The following MCF2L2 variants were observed in gnomAD, a reference collection of about 807,000 sequenced individuals.
MCF2L2 encodes the protein MCF.2 cell line derived transforming sequence-like 2, also known as probable guanine nucleotide exchange factor MCF2L2.
Under a neutral mutation model 150.2 loss-of-function variants are expected in MCF2L2, and 102 were observed. The observed-to-expected ratio is 0.68, with a 90% CI of 0.58 to 0.80. The LOEUF (loss-of-function observed/expected upper bound fraction) is 0.80, where lower values mean the gene tolerates loss of function less well. Among genes scored for constraint, MCF2L2 ranks in the 30% least tolerant of loss-of-function variants. The probability of loss-of-function intolerance (pLI) is 0.00; values close to 1 mark genes in which losing one functional copy is unlikely to be tolerated. For missense variants in MCF2L2, 1,256 were observed against 1,372.8 expected, an observed-to-expected ratio of 0.91 and a Z score of 1.34; for synonymous variants, 465 against 491.3, an observed-to-expected ratio of 0.95 and a Z score of 0.71.
chr3:183,204,940 T>C (rs1364300111), intron 25 of MCF2L2, among the ~76,000 whole-genome samples: 2 of 152,102 alleles, frequency 1.3e-5, no homozygotes, highest in Admixed American at 6.5e-5. Flanking sequence ...AAACATCCAA[T>C]AGAGACAGGA....
At chr3:183,262,035 T>G (rs987860516) in intron 15 of MCF2L2, among the ~76,000 whole-genome samples, 4 of 147,306 alleles carry the variant, frequency 2.7e-5, no homozygotes, top group Non-Finnish European at 6.0e-5. Flanking sequence ...AATAAAAGTT[T>G]AAAAGATATA....
At chr3:183,370,902 C>T (rs192389426) in intron 3 of MCF2L2, among the ~76,000 whole-genome samples, 1 of 152,318 alleles carries the variant, frequency 6.6e-6, no homozygotes, top group Non-Finnish European at 1.5e-5. Context: ...CCTGAGGGCT[C>T]TGAAGCAAAT....
At chr3:183,424,228 T>G (rs1422287081) in intron 1 of MCF2L2, among the ~76,000 whole-genome samples, 2 of 152,198 alleles carry the variant, frequency 1.3e-5, no homozygotes, top group African/African-American at 4.8e-5. Flanking sequence ...CCTGCATGGA[T>G]GAAAACACAT....
chr3:183,255,807 TAAAAAA>T lies in MCF2L2; in HGVS notation c.1862+21059_1862+21064del, dbSNP rs543086878. ...AAAAGACATTCAAATGGTGAGATTG[TAAAAAA>T]AAAAAAAAAGAAAAAGAAAACTTTC... On this transcript the variant is annotated intron_variant, in intron 15 of 29. Coordinates refer to ENST00000328913, the MANE Select transcript of MCF2L2 (RefSeq NM_015078.4). Among the ~76,000 whole-genome samples the T allele has an allele frequency of 5.2e-5, 7 of 134,418 alleles. 1 individual carries two copies. Among genetic ancestry groups the T allele is most frequent in the Middle Eastern group, 7.7e-3 (2 of 260 alleles). The allele number at this position is 134,418 out of a possible 152,430, so 88.2% of individuals were successfully genotyped here.
At chr3:183,318,869 G>A (rs1424160655) in intron 6 of MCF2L2, among the ~76,000 whole-genome samples, 5 of 152,172 alleles carry the variant, frequency 3.3e-5, no homozygotes, top group African/African-American at 9.7e-5. Context: ...ACCATCTTCT[G>A]GGCCTTCATC....
intron 1 of MCF2L2, among the ~76,000 whole-genome samples, chr3:183,390,662 C>T (rs967818492): frequency 1.8e-4 from 28 of 152,066 alleles, no homozygotes; most frequent in Admixed American, 3.9e-4. Flanking sequence ...GTACTGAGGC[C>T]GAGGGGGAAG....
intron 5 of MCF2L2, among the ~76,000 whole-genome samples, chr3:183,334,708 G>A (rs1730400934): frequency 1.3e-5 from 2 of 150,244 alleles, no homozygotes; most frequent in South Asian, 4.2e-4. Flanking sequence ...CAGGAGAATT[G>A]CTTGAACCTG....
At chr3:183,180,264 C>T in intron 27 of MCF2L2, 105 bp from the exon 28 acceptor site, 1 of 742,370 alleles carries the variant, frequency 1.3e-6, no homozygotes, top group South Asian at 1.5e-5. Flanking sequence ...CACGGTCCTC[C>T]CCATCTCTAA....
intron 27 of MCF2L2, among the ~76,000 whole-genome samples, chr3:183,188,727 G>A (rs1393478677): frequency 6.6e-6 from 1 of 152,174 alleles, no homozygotes; most frequent in Admixed American, 6.5e-5. Context: ...CAGCACTCTG[G>A]GAGGCAGAGG....
chr3:183,395,773 G>A (rs553820524), intron 1 of MCF2L2, among the ~76,000 whole-genome samples: 3 of 152,042 alleles, frequency 2.0e-5, no homozygotes, highest in Admixed American at 6.5e-5. Context: ...ACAAAAATTA[G>A]CCAGTGTCGT....
intron 3 of MCF2L2, among the ~76,000 whole-genome samples, chr3:183,370,622 C>G (rs1452997313): frequency 2.0e-5 from 3 of 152,126 alleles, no homozygotes; most frequent in Non-Finnish European, 2.9e-5. Flanking sequence ...AAACAATCAC[C>G]CAGGCAAATG....
rs187411970 is a variant in MCF2L2, at chr3:183,296,972, T to C, written c.1497+4A>G. 31 of 1,612,330 alleles carry C rather than the reference T, an allele frequency of 1.9e-5. No individual in the cohort carries two copies. The East Asian group carries it at 6.0e-4, about 31-fold the overall frequency. ...ACAGGATCAAAATAACCCGGAAGCA[T>C]TACCTTTGCATCGAGGGTGAGCAGC... On this transcript the variant is annotated splice_donor_region_variant and intron_variant, in intron 12 of 29. Coordinates refer to ENST00000328913, the MANE Select transcript of MCF2L2 (RefSeq NM_015078.4).
At chr3:183,200,610 A>G (rs9856403) in intron 25 of MCF2L2, among the ~76,000 whole-genome samples, 3,776 of 152,296 alleles carry the variant, frequency 0.025, 144 homozygotes, top group African/African-American at 0.086. Flanking sequence ...TTTGCTGCGC[A>G]GAAACTCTTT....
At chr3:183,240,701 T>C (rs1194547844) in intron 15 of MCF2L2, among the ~76,000 whole-genome samples, 1 of 152,204 alleles carries the variant, frequency 6.6e-6, no homozygotes, top group African/African-American at 2.4e-5. Context: ...GGAGCTAAGA[T>C]GGAATCTGTA....
chr3:183,420,521 C>T (rs59976009), intron 1 of MCF2L2, among the ~76,000 whole-genome samples: 12,906 of 152,194 alleles, frequency 0.085, 574 homozygotes, highest in African/African-American at 0.095. Context: ...TCACTTGAAC[C>T]CCAGGAGTGG....
At chr3:183,230,921 C>T (rs1723526972) in intron 16 of MCF2L2, 30 bp downstream of exon 16, 1 of 1,544,420 alleles carries the variant, frequency 6.5e-7, no homozygotes, top group Non-Finnish European at 8.9e-7. Flanking sequence ...TGAATATATG[C>T]TTGATACCCC....
chr3:183,200,645 A>G (rs1722245990), intron 25 of MCF2L2, among the ~76,000 whole-genome samples: 1 of 152,138 alleles, frequency 6.6e-6, no homozygotes, highest in Non-Finnish European at 1.5e-5. Flanking sequence ...CCACTTGTCA[A>G]TTTTGGCTTT....
At chr3:183,224,280 C>A in intron 18 of MCF2L2, 90 bp from the exon 19 acceptor site, 1 of 824,458 alleles carries the variant, frequency 1.2e-6, no homozygotes, top group South Asian at 1.4e-5. Flanking sequence ...ATTCAACAAG[C>A]CAGAGTATTC....
chr3:183,383,252 G>C (rs1030532135), intron 2 of MCF2L2, among the ~76,000 whole-genome samples: 3 of 151,428 alleles, frequency 2.0e-5, no homozygotes, highest in Non-Finnish European at 2.9e-5. Context: ...TTTATTTTTT[G>C]AGATGGAGTT....
Sources: gnomAD v4.1 joint callset for allele counts (sites outside exome capture counted in the v4.1 genomes callset) on GRCh38, gnomAD v4.1.1 for gene constraint, MANE v1.5 for transcripts, NCBI Gene and HGNC (gene_info 2026-07-23, HGNC 2026-07-21) for gene names.